The following CSTF1 variants were observed in gnomAD, a reference collection of about 807,000 sequenced individuals.
The protein encoded by CSTF1 is CF-1 50 kDa subunit.
Under a neutral mutation model 40.9 loss-of-function variants are expected in CSTF1, and 2 were observed. The observed-to-expected ratio is 0.05, with a 90% CI of 0.02 to 0.15. CSTF1 has a LOEUF of 0.15. Among genes scored for constraint, CSTF1 ranks in the 10% least tolerant of loss-of-function variants. CSTF1 has a pLI of 1.00. For missense variants in CSTF1, 279 were observed against 558.9 expected (o/e 0.50, Z 5.05); for synonymous variants, 218 against 207.2 (o/e 1.05, Z -0.45).
rs572842896 is a variant in CSTF1, at chr20:56,403,295, C to T, written c.1037-173C>T. Among the ~76,000 whole-genome samples the T allele has an allele frequency of 4.6e-5, 7 of 152,048 alleles. No individual in the cohort carries two copies. In the East Asian group the frequency reaches 9.7e-4, roughly 21 times the overall value. On this transcript the variant is annotated intron_variant, in intron 5 of 5. Transcript: ENST00000217109. The stretch of plus-strand genomic sequence containing the variant: ...CCTCCCAAAGTACTGGGATTACAGA[C>T]GTGAGCCACTGTGCCTGGTTTGATT...
At chr20:56,393,953 G>A (rs1987426084) in intron 1 of CSTF1, among the ~76,000 whole-genome samples, 4 of 152,072 alleles carry the variant, frequency 2.6e-5, no homozygotes. Context: ...TTTTGGGCTG[G>A]CATTTCCTGA....
At chr20:56,395,752 A>G (rs1261651310) in intron 2 of CSTF1, 31 bp downstream of exon 2, 4 of 1,603,386 alleles carry the variant, frequency 2.5e-6, no homozygotes, top group Admixed American at 3.5e-5. Flanking sequence ...CATACGTCCC[A>G]TGGCAAGGTT....
At chr20:56,398,761 A>G (rs1978333779) in intron 4 of CSTF1, among the ~76,000 whole-genome samples, 1 of 152,232 alleles carries the variant, frequency 6.6e-6, no homozygotes, top group Admixed American at 6.5e-5. Context: ...TTTTTGGAAT[A>G]ATATAACCAG....
chr20:56,393,548 C>A lies in CSTF1; in HGVS notation c.-33+835C>A, dbSNP rs557319854. On this transcript the variant is annotated intron_variant, in intron 1 of 5. Transcript: ENST00000217109. ...ATGGGAGAAAAACGATATTTAATTA[C>A]GTACAGGAGTCCCACAAAATACGAG... Among the ~76,000 whole-genome samples the A allele has an allele frequency of 9.4e-5, 14 of 149,640 alleles. No individual in the cohort carries two copies. The South Asian group carries it at 2.9e-3, about 31-fold the overall frequency.
chr20:56,402,950 A>T (rs757330206), intron 5 of CSTF1, among the ~76,000 whole-genome samples: 1 of 151,118 alleles, frequency 6.6e-6, no homozygotes, highest in Non-Finnish European at 1.5e-5. Flanking sequence ...AAAAAAAAAG[A>T]TCACACACAA....
intron 5 of CSTF1, among the ~76,000 whole-genome samples, chr20:56,400,911 C>T (rs1978420693): frequency 6.6e-6 from 1 of 151,920 alleles, no homozygotes; most frequent in African/African-American, 2.4e-5. Context: ...TGGTGGCGGG[C>T]GCCTGTAGTC....
Position 56,397,225 on chromosome 20 carries a change from C to T in CSTF1, c.188C>T (p.Thr63Ile), listed in dbSNP as rs1486553628. 6.2e-7 allele frequency: 1 copy of T among 1,613,820 alleles called. No homozygotes were observed. Among genetic ancestry groups the T allele is most frequent in the East Asian group, 2.2e-5 (1 of 44,874 alleles). Residue 63 changes from threonine to isoleucine, a missense_variant, in exon 3 of 6, where the codon ACC becomes ATC. Thr to Ile is a moderately conservative substitution (Grantham distance 89, BLOSUM62 -1). Around this residue, in one of 4 missense-constraint regions of CSTF1, gnomAD observed 66 missense variants for 148.0 expected, o/e 0.45. Coordinates refer to ENST00000217109, the MANE Select transcript of CSTF1 (RefSeq NM_001324.3). The surrounding 1 kb of genome is among the most constrained non-coding windows in gnomAD (Gnocchi z 4.4). ...LIKLGMENDD[T>I]AVQYAIGRSD... ...CTTTCAGGAATGGAAAACGATGACA[C>T]CGCAGTTCAGTATGCAATTGGTCGT...
chr20:56,395,412 A>G lies in CSTF1; in HGVS notation c.-32-109A>G, dbSNP rs78418918. On this transcript the variant is annotated intron_variant, in intron 1 of 5. Transcript: ENST00000217109. ...ACTGACCAAAGATAATGCAGCTAGT[A>G]GAGATGGGATTTGAGTCCTGCAAGA... 1.0e-3 allele frequency: 665 copies of G among 635,432 alleles called. 14 individuals carry two copies. In the East Asian group the frequency reaches 0.019, roughly 18 times the overall value. The allele number at this position is 635,432 out of a possible 1,614,324, so 39.4% of individuals were successfully genotyped here.
chr20:56,396,995 C>T (rs769015821), intron 2 of CSTF1: 18 of 540,008 alleles, frequency 3.3e-5, no homozygotes, highest in Non-Finnish European at 4.2e-5. Context: ...GGAGCCTAAC[C>T]TTCCAGCAAC....
Position 56,403,899 on chromosome 20 carries a change from G to A in CSTF1, c.*172G>A. On this transcript the variant is annotated 3_prime_UTR_variant, in exon 6 of 6. Transcript: ENST00000217109. ...TTTTTTTACCTTGATGTAGAATCAT[G>A]GTGGAAAAAGTTGGAAACACAGATC... The A allele has an allele frequency of 4.5e-6, 3 of 672,090 alleles. No individual in the cohort carries two copies. Among genetic ancestry groups the A allele is most frequent in the Non-Finnish European group, 7.4e-6 (3 of 404,806 alleles). 41.6% of individuals were successfully genotyped at this position (672,090 alleles called of 1,614,324 possible).
Position 56,397,924 on chromosome 20 carries a change from C to T in CSTF1, c.645+83C>T, listed in dbSNP as rs1978317434. 6 of 1,122,226 alleles carry T rather than the reference C, an allele frequency of 5.3e-6. No individual in the cohort carries two copies. Among genetic ancestry groups the T allele is most frequent in the Admixed American group, 2.0e-5 (1 of 50,420 alleles). The allele number at this position is 1,122,226 out of a possible 1,614,324, so 69.5% of individuals were successfully genotyped here. A position where few individuals can be genotyped will look rare whatever the true frequency, so the allele number is the denominator to read the frequency against. ...CAACTATTCTCTTTTTAAAAGTAGT[C>T]TCAGTGATCATCCTGTAAGATGCGT... On this transcript the variant is annotated intron_variant, in intron 4 of 5. Coordinates refer to ENST00000217109, the MANE Select transcript of CSTF1 (RefSeq NM_001324.3). This position sits in a 1 kb window ranked among gnomAD's most constrained non-coding sequence, Gnocchi z 4.4.
Position 56,397,224 on chromosome 20 carries a change from A to G in CSTF1, c.187A>G (p.Thr63Ala). ...LIKLGMENDD[T>A]AVQYAIGRSD... The stretch of plus-strand genomic sequence containing the variant: ...TCTTTCAGGAATGGAAAACGATGAC[A>G]CCGCAGTTCAGTATGCAATTGGTCG... Residue 63 changes from threonine to alanine, a missense_variant, in exon 3 of 6, where the codon ACC (threonine) becomes GCC (alanine). Physicochemically the swap from Thr to Ala is moderately conservative, Grantham distance 58. This residue lies in a region of CSTF1 where 66 missense variants were observed against 148.0 expected (regional missense o/e 0.45). Coordinates refer to ENST00000217109, the MANE Select transcript of CSTF1 (RefSeq NM_001324.3). This position sits in a 1 kb window ranked among gnomAD's most constrained non-coding sequence, Gnocchi z 4.4. 1 of 1,610,760 alleles carries G rather than the reference A, an allele frequency of 6.2e-7. No individual in the cohort carries two copies. The highest frequency in any genetic ancestry group is 8.5e-7 in the Non-Finnish European group (1 of 1,178,038).
Position 56,403,780 on chromosome 20 carries a change from T to C in CSTF1, c.*53T>C, listed in dbSNP as rs542730432. 262 of 1,553,234 alleles carry C rather than the reference T, an allele frequency of 1.7e-4. No individual in the cohort carries two copies. Among genetic ancestry groups the C allele is most frequent in the Non-Finnish European group, 2.2e-4 (254 of 1,141,298 alleles). On this transcript the variant is annotated 3_prime_UTR_variant, in exon 6 of 6. Transcript: ENST00000217109. ...GAGGACTCTACCCTCCTCCCCCACG[T>C]CCTGTCTCAGCTGCAGTCGTAAGTC...
In CSTF1 at chr20:56,404,648, T is replaced by A. The variant is rs548201607; in HGVS notation, c.*921T>A. ...GATACAAGTTTTCTTTTTCTTGAATTTTTTTTTTTTTAATTGAGGCACAGT... is the reference window on the plus strand; with the variant it reads ...GATACAAGTTTTCTTTTTCTTGAATATTTTTTTTTTTAATTGAGGCACAGT... On this transcript the variant is annotated 3_prime_UTR_variant, in exon 6 of 6. Transcript: ENST00000217109. The A allele has an allele frequency of 7.3e-4, 108 of 147,172 alleles. 1 individual carries two copies. Among genetic ancestry groups the A allele is most frequent in the African/African-American group, 2.6e-3 (105 of 40,208 alleles). 9.1% of individuals were successfully genotyped at this position (147,172 alleles called of 1,614,324 possible).
At chr20:56,393,137 C>CA (rs1569110132) in intron 1 of CSTF1, among the ~76,000 whole-genome samples, 1 of 134,094 alleles carries the variant, frequency 7.5e-6, no homozygotes, top group African/African-American at 2.8e-5. Flanking sequence ...TATATACACA[C>CA]ACACACACAT....
At chr20:56,401,715 A>T (rs543412308) in intron 5 of CSTF1, among the ~76,000 whole-genome samples, 8 of 152,304 alleles carry the variant, frequency 5.3e-5, no homozygotes, top group African/African-American at 1.9e-4. Context: ...ACACCTTTAA[A>T]AATAAGTATG....
In CSTF1 at chr20:56,399,969, A is replaced by G. The variant is rs533612794; in HGVS notation, c.1036+612A>G. ...ATTTATCCTATCACTAGTAGGGCCC[A>G]AGTCTGGTTATTTGATAATGAATGT... On this transcript the variant is annotated intron_variant, in intron 5 of 5. Coordinates refer to ENST00000217109, the MANE Select transcript of CSTF1 (RefSeq NM_001324.3). The surrounding 1 kb of genome is among the most constrained non-coding windows in gnomAD (Gnocchi z 4.6). Among the ~76,000 whole-genome samples the G allele has an allele frequency of 6.6e-6, 1 of 152,204 alleles. No individual in the cohort carries two copies. The highest frequency in any genetic ancestry group is 2.4e-5 in the African/African-American group (1 of 41,452).
At position 56,406,070 on chromosome 20, in the gene CSTF1, C is replaced by T. The variant is rs1339652334; in HGVS notation, c.*2343C>T. ...GACCTGTTTTTAAAAGATCAAGATACTTTTATGTGTTTCAGAAGTAGCTGT... is the reference window on the plus strand; with the variant it reads ...GACCTGTTTTTAAAAGATCAAGATATTTTTATGTGTTTCAGAAGTAGCTGT... On this transcript the variant is annotated 3_prime_UTR_variant, in exon 6 of 6. Coordinates refer to ENST00000217109, the MANE Select transcript of CSTF1 (RefSeq NM_001324.3). 1 of 152,082 alleles carries T rather than the reference C, an allele frequency of 6.6e-6. No individual in the cohort carries two copies. Among genetic ancestry groups the T allele is most frequent in the Admixed American group, 6.6e-5 (1 of 15,262 alleles). The allele number at this position is 152,082 out of a possible 1,614,324, so 9.4% of individuals were successfully genotyped here. A position where few individuals can be genotyped will look rare whatever the true frequency, so the allele number is the denominator to read the frequency against.
intron 5 of CSTF1, among the ~76,000 whole-genome samples, chr20:56,402,587 A>G (rs991236345): frequency 2.1e-4 from 32 of 152,328 alleles, no homozygotes; most frequent in Non-Finnish European, 4.4e-5. Flanking sequence ...TGTACAAAGG[A>G]TGTTCATTAC....
Sources: gnomAD v4.1 joint callset for allele counts (sites outside exome capture counted in the v4.1 genomes callset) on GRCh38, gnomAD v4.1.1 for gene constraint, gnomAD v4.1.1 regional missense constraint, Gnocchi (gnomAD v3.1) non-coding constraint, MANE v1.5 for transcripts, NCBI Gene and HGNC (gene_info 2026-07-23, HGNC 2026-07-21) for gene names.